The following PPFIA2 variants were observed in gnomAD, a reference collection of about 807,000 sequenced individuals.
The protein encoded by PPFIA2 is PPFI scaffold protein A2, also known as liprin-alpha-2.
Under a neutral mutation model 175.5 loss-of-function variants are expected in PPFIA2, and 46 were observed. The ratio of observed to expected loss-of-function variants is 0.26; its 90% CI spans 0.21 to 0.34. PPFIA2 has a LOEUF of 0.34. Ranked by LOEUF, PPFIA2 falls within the 10% of genes least tolerant of loss-of-function variation. PPFIA2 has a pLI of 1.00. For missense variants in PPFIA2, 1,179 were observed against 1,506.1 expected, an observed-to-expected ratio of 0.78 and a Z score of 3.60; for synonymous variants, 568 against 511.4, an observed-to-expected ratio of 1.11 and a Z score of -1.49.
At chr12:81,729,569 C>G (rs1381184723) in intron 3 of PPFIA2, among the ~76,000 whole-genome samples, 6 of 151,548 alleles carry the variant, frequency 4.0e-5, no homozygotes. Flanking sequence ...AGGATATCTA[C>G]TCAGTAATCT....
chr12:81,349,303 A>G (rs1346500617), intron 17 of PPFIA2, among the ~76,000 whole-genome samples: 2 of 152,208 alleles, frequency 1.3e-5, no homozygotes, highest in African/African-American at 4.8e-5. Context: ...AATCTTACAA[A>G]GTATGGACTT....
At chr12:81,355,563 T>A (rs577830108) in intron 16 of PPFIA2, among the ~76,000 whole-genome samples, 1 of 152,344 alleles carries the variant, frequency 6.6e-6, no homozygotes, top group Admixed American at 6.5e-5. Context: ...GGTGGTTTCA[T>A]CTACATTGAA....
rs551886804 is a variant in PPFIA2 at position 81,450,812 on chromosome 12, G to A, written c.406-5092C>T. Among the ~76,000 whole-genome samples the A allele has an allele frequency of 1.8e-4, 28 of 152,206 alleles. No homozygotes were observed. The South Asian group carries it at 5.8e-3, about 32-fold the overall frequency. On this transcript the variant is annotated intron_variant, in intron 5 of 32. Transcript: ENST00000549396. The stretch of plus-strand genomic sequence containing the variant: ...TTTAATCCATCTTGAATTAATTTTT[G>A]TATAAGGTGTAAGGAAGGGATCCAG...
Position 81,611,945 on chromosome 12 carries a change from C to T in PPFIA2, c.303+64846G>A, listed in dbSNP as rs2060964584. On this transcript the variant is annotated intron_variant, in intron 4 of 32. Coordinates refer to ENST00000549396, the MANE Select transcript of PPFIA2 (RefSeq NM_003625.5). ...AATCTCATTTCCCTCACTCACCCCTCTCCCACGAGCCATTAGTGGCTGGGA... is the reference window on the plus strand; with the variant it reads ...AATCTCATTTCCCTCACTCACCCCTTTCCCACGAGCCATTAGTGGCTGGGA... Among the ~76,000 whole-genome samples the T allele has an allele frequency of 3.9e-5, 6 of 152,162 alleles. No homozygotes were observed. In the South Asian group the frequency reaches 1.2e-3, roughly 31 times the overall value.
At chr12:81,316,057 C>T (rs1004493842) in intron 22 of PPFIA2, among the ~76,000 whole-genome samples, 2 of 151,342 alleles carry the variant, frequency 1.3e-5, no homozygotes, top group African/African-American at 2.4e-5. Flanking sequence ...GAATCTGAAC[C>T]AAAGATATTT....
intron 5 of PPFIA2, among the ~76,000 whole-genome samples, chr12:81,456,806 T>A (rs1269639864): frequency 1.3e-5 from 2 of 152,126 alleles, no homozygotes; most frequent in Non-Finnish European, 2.9e-5. Context: ...TTACATGGCA[T>A]GTCATATGCT....
chr12:81,518,527 A>G (rs1212213260), intron 4 of PPFIA2, among the ~76,000 whole-genome samples: 5 of 152,032 alleles, frequency 3.3e-5, no homozygotes, highest in African/African-American at 1.2e-4. Context: ...ACAACCCATC[A>G]TGGTAAGCAC....
rs1399171193 is a variant in PPFIA2, at chr12:81,405,897, C to A, written c.652G>T (p.Ala218Ser). The part of the protein sequence containing the change: ...ELAAANQEIV[A>S]LREQNVHIQR... ...ATATGAACATTTTGTTCACGCAAGG[C>A]AACAATCTGCAAAATAAAAGCACTA... Residue 218 changes from alanine to serine, a missense_variant, in exon 8 of 33, where the codon GCC (alanine) becomes TCC (serine). Around this residue, in one of 10 missense-constraint regions of PPFIA2, gnomAD observed 226 missense variants for 216.6 expected, o/e 1.04. Transcript: ENST00000549396. 1.3e-6 allele frequency: 2 copies of A among 1,547,962 alleles called. No individual in the cohort carries two copies. The highest frequency in any genetic ancestry group is 2.7e-5 in the African/African-American group (2 of 73,210).
intron 8 of PPFIA2, among the ~76,000 whole-genome samples, chr12:81,391,449 A>G (rs1037841441): frequency 4.6e-5 from 7 of 151,926 alleles, no homozygotes; most frequent in African/African-American, 1.7e-4. Flanking sequence ...CATACTGAAT[A>G]GAATAAACTT....
At chr12:81,441,894 A>T (rs968322395) in intron 6 of PPFIA2, among the ~76,000 whole-genome samples, 1 of 152,110 alleles carries the variant, frequency 6.6e-6, no homozygotes. Context: ...TATCACACTT[A>T]AGCTGCTGTA....
At chr12:81,589,336 C>A (rs1039972880) in intron 4 of PPFIA2, among the ~76,000 whole-genome samples, 2 of 152,022 alleles carry the variant, frequency 1.3e-5, no homozygotes, top group African/African-American at 4.8e-5. Flanking sequence ...CTTAAAAAAA[C>A]AAAGGTGTGT....
At chr12:81,298,491 T>C (rs960581932) in intron 23 of PPFIA2, 1 of 152,204 alleles carries the variant, frequency 6.6e-6, no homozygotes, top group Non-Finnish European at 1.5e-5. Flanking sequence ...TAAAACAACA[T>C]GTATAATTAC....
intron 4 of PPFIA2, among the ~76,000 whole-genome samples, chr12:81,503,381 A>T (rs937660933): frequency 2.6e-5 from 4 of 152,142 alleles, no homozygotes; most frequent in Non-Finnish European, 5.9e-5. Flanking sequence ...AATTTCCACC[A>T]TCCACATGAT....
chr12:81,293,609 A>T (rs182682309), intron 24 of PPFIA2, among the ~76,000 whole-genome samples: 1 of 152,044 alleles, frequency 6.6e-6, no homozygotes, highest in Non-Finnish European at 1.5e-5. Context: ...CCTCAGTCAG[A>T]ATGGCTATTA....
chr12:81,691,941 C>A (rs539203678), intron 3 of PPFIA2, among the ~76,000 whole-genome samples: 1 of 152,176 alleles, frequency 6.6e-6, no homozygotes, highest in African/African-American at 2.4e-5. Context: ...TCCTGGTATT[C>A]ACACCCTTGT....
rs112129741 is a variant in PPFIA2 at position 81,666,019 on chromosome 12, A to T, written c.303+10772T>A. On this transcript the variant is annotated intron_variant, in intron 4 of 32. Transcript: ENST00000549396. ...AAAAACACATGAAAAAATGCTCATC[A>T]TCACTGGCCATCAGAGAAATGCAAA... Among the ~76,000 whole-genome samples the T allele has an allele frequency of 5.1e-3, 780 of 152,294 alleles. 9 individuals carry two copies. Among genetic ancestry groups the T allele is most frequent in the African/African-American group, 0.018 (748 of 41,556 alleles).
At chr12:81,617,052 C>G (rs2153475642) in intron 4 of PPFIA2, among the ~76,000 whole-genome samples, 2 of 152,258 alleles carry the variant, frequency 1.3e-5, no homozygotes, top group South Asian at 2.1e-4. Context: ...GAGTTAGCTT[C>G]TCTGAGCCTC....
At chr12:81,676,748 T>G (rs1377399551) in intron 4 of PPFIA2, 43 bp downstream of exon 4, 4 of 1,433,462 alleles carry the variant, frequency 2.8e-6, no homozygotes, top group Admixed American at 2.1e-5. Flanking sequence ...GTGTACACAA[T>G]TCAATTCATC....
chr12:81,620,738 G>C lies in PPFIA2; in HGVS notation c.303+56053C>G, dbSNP rs577084196. 6.6e-5 allele frequency among the ~76,000 whole-genome samples: 10 copies of C among 152,268 alleles called. No homozygotes were observed. The East Asian group carries it at 1.7e-3, about 26-fold the overall frequency. On this transcript the variant is annotated intron_variant, in intron 4 of 32. Coordinates refer to ENST00000549396, the MANE Select transcript of PPFIA2 (RefSeq NM_003625.5). ...AGAGGACAGAATCTGGTAGGAGTGGGGCTGAGATTATCTAAGGTAATCAGA... is the reference window on the plus strand; with the variant it reads ...AGAGGACAGAATCTGGTAGGAGTGGCGCTGAGATTATCTAAGGTAATCAGA...
Sources: gnomAD v4.1 joint callset for allele counts (sites outside exome capture counted in the v4.1 genomes callset) on GRCh38, gnomAD v4.1.1 for gene constraint, gnomAD v4.1.1 regional missense constraint, MANE v1.5 for transcripts, NCBI Gene and HGNC (gene_info 2026-07-23, HGNC 2026-07-21) for gene names.